Variants in IMMP2L observed in about 807,000 individuals in gnomAD.
IMMP2L encodes inner mitochondrial membrane peptidase subunit 2.
A neutral mutation model predicts 19.3 loss-of-function variants in IMMP2L; 18 were observed. The observed-to-expected ratio is 0.93, with a 90% CI of 0.64 to 1.38. The LOEUF (loss-of-function observed/expected upper bound fraction) is 1.38. Among genes scored for constraint, IMMP2L ranks in the 40% most tolerant of loss-of-function variants. IMMP2L has a pLI of 0.00. For missense variants in IMMP2L, 233 were observed against 218.2 expected (o/e 1.07, Z -0.43); for synonymous variants, 76 against 73.0 (o/e 1.04, Z -0.21).
At chr7:110,804,932 T>A in intron 5 of IMMP2L, among the ~76,000 whole-genome samples, 1 of 152,064 alleles carries the variant, frequency 6.6e-6, no homozygotes, top group East Asian at 1.9e-4. Context: ...TTCAGCGCTT[T>A]ACATTAGCTT....
intron 3 of IMMP2L, among the ~76,000 whole-genome samples, chr7:111,023,776 AC>A (rs1420790451): frequency 3.9e-5 from 6 of 152,174 alleles, no homozygotes; most frequent in Non-Finnish European, 8.8e-5. Flanking sequence ...TTCATGAATG[AC>A]GGGGATGTAG....
chr7:110,930,291 T>C (rs571908325), intron 4 of IMMP2L, among the ~76,000 whole-genome samples: 5 of 151,812 alleles, frequency 3.3e-5, no homozygotes, highest in Admixed American at 1.3e-4. Context: ...CCTGTGGTTT[T>C]GGACAATAGT....
At chr7:111,143,624 C>A (rs1051336449) in intron 3 of IMMP2L, among the ~76,000 whole-genome samples, 2 of 152,058 alleles carry the variant, frequency 1.3e-5, no homozygotes, top group South Asian at 2.1e-4. Flanking sequence ...TGAAAGAATT[C>A]TTTTACAGGC....
In IMMP2L at chr7:110,757,390, T is replaced by C. The variant is rs117336633; in HGVS notation, c.409-93669A>G. Among the ~76,000 whole-genome samples the C allele has an allele frequency of 0.021, 3,233 of 152,238 alleles. 58 individuals are homozygous for C. Among genetic ancestry groups the C allele is most frequent in the Middle Eastern group, 0.044 (13 of 294 alleles). Reference sequence around the variant, plus strand: ...CTCAAATGATGCAGTTGACTCTGGTTGTAATTTTAAATACGGTGGGCGAGG... The same window carrying C: ...CTCAAATGATGCAGTTGACTCTGGTCGTAATTTTAAATACGGTGGGCGAGG... On this transcript the variant is annotated intron_variant, in intron 5 of 5. Coordinates refer to ENST00000405709, the MANE Select transcript of IMMP2L (RefSeq NM_032549.4). The surrounding 1 kb of genome is among the most constrained non-coding windows in gnomAD (Gnocchi z 4.2).
At chr7:110,766,017 G>A (rs1798634465) in intron 5 of IMMP2L, among the ~76,000 whole-genome samples, 1 of 152,138 alleles carries the variant, frequency 6.6e-6, no homozygotes, top group Admixed American at 6.6e-5. Context: ...CATATAGCAT[G>A]TTACAGCAGA....
intron 5 of IMMP2L, among the ~76,000 whole-genome samples, chr7:110,851,350 A>ACG (rs1563024562): frequency 1.3e-5 from 2 of 152,168 alleles, no homozygotes. Flanking sequence ...TCTAATGTAG[A>ACG]CGTTGTACCA....
intron 3 of IMMP2L, among the ~76,000 whole-genome samples, chr7:110,998,354 G>C (rs1431767233): frequency 1.3e-5 from 2 of 152,104 alleles, no homozygotes; most frequent in African/African-American, 4.8e-5. Context: ...TATGCCTCCA[G>C]AAAGGCTTGT....
At chr7:111,058,192 G>T (rs1049770160) in intron 3 of IMMP2L, among the ~76,000 whole-genome samples, 1 of 152,066 alleles carries the variant, frequency 6.6e-6, no homozygotes, top group East Asian at 1.9e-4. Context: ...GAGAAAAAAA[G>T]CCACATCCTT....
At chr7:111,181,796 A>G (rs918943530) in intron 3 of IMMP2L, among the ~76,000 whole-genome samples, 4 of 152,008 alleles carry the variant, frequency 2.6e-5, no homozygotes, top group Admixed American at 2.6e-4. Flanking sequence ...ACACAATAAT[A>G]AAGTATACTA....
At chr7:111,552,778 T>C (rs1790825886) in intron 1 of IMMP2L, among the ~76,000 whole-genome samples, 1 of 152,114 alleles carries the variant, frequency 6.6e-6, no homozygotes, top group South Asian at 2.1e-4. Context: ...TCAGGGCTGG[T>C]CTGTAGAACC....
chr7:111,343,846 T>C (rs1410941374), intron 3 of IMMP2L, among the ~76,000 whole-genome samples: 2 of 152,130 alleles, frequency 1.3e-5, no homozygotes, highest in Non-Finnish European at 2.9e-5. Flanking sequence ...TCCTCTTCTG[T>C]AAAGTGAGGA....
chr7:110,770,364 T>G (rs1158130509), intron 5 of IMMP2L, among the ~76,000 whole-genome samples: 1 of 152,300 alleles, frequency 6.6e-6, no homozygotes, highest in East Asian at 1.9e-4. Flanking sequence ...TACAAACATT[T>G]CTGTGAATAT....
intron 3 of IMMP2L, among the ~76,000 whole-genome samples, chr7:111,026,494 A>G (rs1341564802): frequency 6.6e-6 from 1 of 152,116 alleles, no homozygotes; most frequent in Non-Finnish European, 1.5e-5. Flanking sequence ...AAAATGTGCA[A>G]TTTAGATTAG....
chr7:111,160,236 G>A (rs1390829641), intron 3 of IMMP2L, among the ~76,000 whole-genome samples: 2 of 151,956 alleles, frequency 1.3e-5, no homozygotes, highest in African/African-American at 4.8e-5. Context: ...AAGTATGTTT[G>A]TATTATTATA....
intron 4 of IMMP2L, among the ~76,000 whole-genome samples, chr7:110,907,014 A>G (rs945241029): frequency 6.6e-6 from 1 of 151,932 alleles, no homozygotes; most frequent in African/African-American, 2.4e-5. Flanking sequence ...GCAGGAGCAA[A>G]ACTCCATGAG....
chr7:111,344,865 AAG>A (rs1827376802), intron 3 of IMMP2L, among the ~76,000 whole-genome samples: 1 of 152,140 alleles, frequency 6.6e-6, no homozygotes, highest in African/African-American at 2.4e-5. Flanking sequence ...GAATTTTAAT[AAG>A]AGAGAACAAG....
At chr7:110,948,319 T>C (rs1817461205) in intron 4 of IMMP2L, among the ~76,000 whole-genome samples, 1 of 152,252 alleles carries the variant, frequency 6.6e-6, no homozygotes, top group South Asian at 2.1e-4. Flanking sequence ...CACTATTACA[T>C]ACATAGGTAT....
At chr7:110,786,560 C>T (rs1018564527) in intron 5 of IMMP2L, among the ~76,000 whole-genome samples, 1 of 151,964 alleles carries the variant, frequency 6.6e-6, no homozygotes, top group Non-Finnish European at 1.5e-5. Context: ...AGAGCTGTTA[C>T]ACCAAAGGCC....
intron 3 of IMMP2L, among the ~76,000 whole-genome samples, chr7:111,377,901 A>G (rs1830832591): frequency 6.6e-6 from 1 of 152,050 alleles, no homozygotes; most frequent in African/African-American, 2.4e-5. Context: ...GTATTAATGT[A>G]CCATAATTGA....
Sources: gnomAD v4.1 joint callset for allele counts (sites outside exome capture counted in the v4.1 genomes callset) on GRCh38, gnomAD v4.1.1 for gene constraint, Gnocchi (gnomAD v3.1) non-coding constraint, MANE v1.5 for transcripts, NCBI Gene and HGNC (gene_info 2026-07-23, HGNC 2026-07-21) for gene names.